HNF1B: variants seen among roughly 807,000 people sequenced by gnomAD.
HNF1B encodes the protein HNF1 homeobox B, also known as hepatocyte nuclear factor 1-beta.
A neutral mutation model predicts 61.7 loss-of-function variants in HNF1B; 8 were observed. That is an observed-to-expected ratio of 0.13 (90% CI 0.08 to 0.23). The LOEUF (loss-of-function observed/expected upper bound fraction) is 0.23, where lower values mean the gene tolerates loss of function less well. HNF1B is among the 10% of genes least tolerant of loss of function. The pLI, the probability that HNF1B is intolerant of heterozygous loss-of-function variation, is 1.00. For missense variants in HNF1B, 562 were observed against 714.5 expected (o/e 0.79, Z 2.43); for synonymous variants, 314 against 287.7 (o/e 1.09, Z -0.93).
At chr17:37,719,526 A>C (rs1028692107) in intron 4 of HNF1B, among the ~76,000 whole-genome samples, 1 of 152,272 alleles carries the variant, frequency 6.6e-6, no homozygotes, top group African/African-American at 2.4e-5. Context: ...CGTTAGGCCT[A>C]AAGGCTGTGG....
At chr17:37,704,419 C>A (rs1040517667) in intron 6 of HNF1B, among the ~76,000 whole-genome samples, 9 of 152,288 alleles carry the variant, frequency 5.9e-5, no homozygotes, top group East Asian at 1.9e-4. Flanking sequence ...ATTTCATATA[C>A]CACACAAAAC....
chr17:37,726,160 T>TTC (rs138092812), intron 4 of HNF1B, among the ~76,000 whole-genome samples: 1,719 of 103,778 alleles, frequency 0.017, 38 homozygotes, highest in African/African-American at 0.053. Context: ...GTGTGTGTCT[T>TTC]TCTCTCTCTC....
rs1404879910 is a variant in HNF1B, at chr17:37,744,684, G to T, written c.201C>A (p.Asn67Lys). The change falls in exon 1 of 9, where the codon AAC becomes AAA. Residue 67 changes from asparagine (N) to lysine (K), a missense_variant. Physicochemically the swap from Asn to Lys is moderately conservative, Grantham distance 94. Transcript: ENST00000617811. ...DTKPVFHTLT[N>K]GHAKGRLSGD... is the part of the protein sequence containing the mutation. ...CGGACAAGCGGCCCTTGGCGTGGCCGTTGGTGAGAGTATGGAAGACCGGCT... is the reference window on the plus strand; with the variant it reads ...CGGACAAGCGGCCCTTGGCGTGGCCTTTGGTGAGAGTATGGAAGACCGGCT... The T allele has an allele frequency of 6.2e-7, 1 of 1,613,372 alleles. No individual in the cohort carries two copies. The highest frequency in any genetic ancestry group is 8.5e-7 in the Non-Finnish European group (1 of 1,180,050).
chr17:37,704,422 C>T (rs1306365793), intron 6 of HNF1B, among the ~76,000 whole-genome samples: 1 of 152,228 alleles, frequency 6.6e-6, no homozygotes, highest in Non-Finnish European at 1.5e-5. Flanking sequence ...TCATATACCA[C>T]ACAAAACTCC....
intron 8 of HNF1B, among the ~76,000 whole-genome samples, chr17:37,691,433 C>T (rs2032199744): frequency 6.6e-6 from 1 of 152,082 alleles, no homozygotes; most frequent in Non-Finnish European, 1.5e-5. Flanking sequence ...TGCTCTTCAC[C>T]CCTATGTAAG....
chr17:37,712,044 G>C lies in HNF1B; in HGVS notation c.1046-1381C>G, dbSNP rs182164322. On this transcript the variant is annotated intron_variant, in intron 4 of 8. Transcript: ENST00000617811. ...GCCAGTTTTCCTTGGATCTTCCTAAGGACTTTACCCAAGGCCGATATGACC... is the reference window on the plus strand; with the variant it reads ...GCCAGTTTTCCTTGGATCTTCCTAACGACTTTACCCAAGGCCGATATGACC... Among the ~76,000 whole-genome samples, 351 of 152,320 alleles carry C rather than the reference G, an allele frequency of 2.3e-3. 4 individuals carry two copies. Among genetic ancestry groups the C allele is most frequent in the Non-Finnish European group, 2.0e-3 (134 of 68,040 alleles).
chr17:37,722,506 C>T (rs1265462877), intron 4 of HNF1B, among the ~76,000 whole-genome samples: 1 of 152,216 alleles, frequency 6.6e-6, no homozygotes, highest in Non-Finnish European at 1.5e-5. Flanking sequence ...CATCTGAATC[C>T]GGTCCTGAGA....
intron 2 of HNF1B, among the ~76,000 whole-genome samples, chr17:37,738,200 TG>T (rs1333349868): frequency 6.6e-6 from 1 of 151,502 alleles, no homozygotes; most frequent in African/African-American, 2.4e-5. Context: ...TCACCAAGTA[TG>T]GGGGGCCAAC....
chr17:37,687,836 A>G (rs755961975), intron 8 of HNF1B, among the ~76,000 whole-genome samples: 2 of 152,182 alleles, frequency 1.3e-5, no homozygotes, highest in Non-Finnish European at 2.9e-5. Flanking sequence ...TAACGGACCC[A>G]CAAGTACCAG....
intron 8 of HNF1B, among the ~76,000 whole-genome samples, chr17:37,694,777 G>C (rs1011692798): frequency 6.6e-6 from 1 of 152,132 alleles, no homozygotes. Context: ...TGATAGCCTA[G>C]GGTATCTAAC....
intron 2 of HNF1B, among the ~76,000 whole-genome samples, chr17:37,735,718 G>T (rs934691107): frequency 1.2e-4 from 19 of 152,178 alleles, no homozygotes; most frequent in Non-Finnish European, 2.4e-4. Flanking sequence ...TCTACCCCTA[G>T]TCAGGATGAT....
intron 2 of HNF1B, among the ~76,000 whole-genome samples, chr17:37,736,473 T>A (rs1255590646): frequency 1.3e-5 from 2 of 152,196 alleles, no homozygotes; most frequent in Non-Finnish European, 2.9e-5. Flanking sequence ...AGGTTCAGAC[T>A]GGTGAAGTGA....
intron 1 of HNF1B, among the ~76,000 whole-genome samples, chr17:37,742,208 C>G (rs1485356572): frequency 1.3e-5 from 2 of 152,234 alleles, no homozygotes; most frequent in Non-Finnish European, 2.9e-5. Context: ...CAGTCCGCAG[C>G]GCGTTCGTTA....
At chr17:37,731,983 A>G (rs898319776) in intron 3 of HNF1B, among the ~76,000 whole-genome samples, 153 bp from the exon 4 acceptor site, 1 of 152,162 alleles carries the variant, frequency 6.6e-6, no homozygotes, top group Admixed American at 6.5e-5. Context: ...CTATGCAGAG[A>G]AAAGGCCAAT....
rs184735282 is a variant in HNF1B at position 37,687,430 on chromosome 17, A to G, written c.1654-38T>C. On this transcript the variant is annotated intron_variant, in intron 8 of 8. Transcript: ENST00000617811. Reference sequence around the variant, plus strand: ...AGGAGAGAGGGTGCTCAGCTGTGTCATTTGGCAGGGTCATGGGCCATTAGT... The same window carrying G: ...AGGAGAGAGGGTGCTCAGCTGTGTCGTTTGGCAGGGTCATGGGCCATTAGT... 3.4e-4 allele frequency: 510 copies of G among 1,518,148 alleles called. 1 individual carries two copies. Among genetic ancestry groups the G allele is most frequent in the South Asian group, 2.8e-3 (247 of 89,206 alleles). 94.0% of individuals were successfully genotyped at this position (1,518,148 alleles called of 1,614,324 possible).
chr17:37,720,979 G>A, intron 4 of HNF1B: 1 of 981,174 alleles, frequency 1.0e-6, no homozygotes, highest in Non-Finnish European at 1.2e-6. Context: ...TGCCCATCGT[G>A]CAAACTGATG....
Position 37,688,289 on chromosome 17 carries a change from G to C in HNF1B, c.1654-897C>G, listed in dbSNP as rs539934508. Among the ~76,000 whole-genome samples, 5 of 151,564 alleles carry C rather than the reference G, an allele frequency of 3.3e-5. No homozygotes were observed. The East Asian group carries it at 9.7e-4, about 29-fold the overall frequency. On this transcript the variant is annotated intron_variant, in intron 8 of 8. Coordinates refer to ENST00000617811, the MANE Select transcript of HNF1B (RefSeq NM_000458.4). ...TTTCACTTCTGGGGAGTCTCTTTTTGTCTCCCTGTGTCTCCTCCTTCCCTT... is the reference window on the plus strand; with the variant it reads ...TTTCACTTCTGGGGAGTCTCTTTTTCTCTCCCTGTGTCTCCTCCTTCCCTT...
At chr17:37,736,097 C>T (rs2033824746) in intron 2 of HNF1B, among the ~76,000 whole-genome samples, 1 of 152,216 alleles carries the variant, frequency 6.6e-6, no homozygotes, top group South Asian at 2.1e-4. Flanking sequence ...GCTTTAGCCC[C>T]TCTATGGTAT....
intron 2 of HNF1B, among the ~76,000 whole-genome samples, chr17:37,734,351 G>C (rs2033774753): frequency 6.6e-6 from 1 of 152,198 alleles, no homozygotes; most frequent in South Asian, 2.1e-4. Flanking sequence ...AACATGCTTT[G>C]AAATAAATAT....
Sources: gnomAD v4.1 joint callset for allele counts (sites outside exome capture counted in the v4.1 genomes callset) on GRCh38, gnomAD v4.1.1 for gene constraint, MANE v1.5 for transcripts, NCBI Gene and HGNC (gene_info 2026-07-23, HGNC 2026-07-21) for gene names.